The following SCN7A variants were observed in gnomAD, a reference collection of about 807,000 sequenced individuals.
SCN7A encodes sodium channel protein type 7 subunit alpha.
Under a neutral mutation model 155.2 loss-of-function variants are expected in SCN7A, and 138 were observed. The observed-to-expected ratio is 0.89, with a 90% confidence interval of 0.77 to 1.02. The LOEUF (loss-of-function observed/expected upper bound fraction) is 1.02, where lower values mean the gene tolerates loss of function less well. Among genes scored for constraint, SCN7A ranks in the 50% least tolerant of loss-of-function variants. SCN7A has a pLI of 0.00. For synonymous variants in SCN7A, 693 were observed against 649.0 expected (o/e 1.07, Z -1.03); for missense variants, 2,058 against 1,986.6 (o/e 1.04, Z -0.68).
chr2:166,451,773 A>T (rs958634387), intron 11 of SCN7A, among the ~76,000 whole-genome samples: 3 of 152,170 alleles, frequency 2.0e-5, no homozygotes, highest in African/African-American at 7.2e-5. Context: ...TCAAAGGACC[A>T]TGCCTCTCTG....
intron 20 of SCN7A, among the ~76,000 whole-genome samples, chr2:166,417,264 G>A (rs529303058): frequency 3.6e-4 from 55 of 152,212 alleles, no homozygotes; most frequent in African/African-American, 1.2e-3. Context: ...ACCAGGTCAG[G>A]AGATCAAGAC....
intron 23 of SCN7A, among the ~76,000 whole-genome samples, chr2:166,411,693 T>A (rs1189515664): frequency 6.6e-6 from 1 of 152,004 alleles, no homozygotes; most frequent in African/African-American, 2.4e-5. Context: ...AAAAGGCATC[T>A]TAACGTGAAC....
intron 25 of SCN7A, among the ~76,000 whole-genome samples, chr2:166,408,202 G>T (rs1320363582): frequency 2.0e-5 from 3 of 151,778 alleles, no homozygotes; most frequent in Admixed American, 2.0e-4. Context: ...AGAGATTTTT[G>T]ACACTTTGTG....
intron 11 of SCN7A, among the ~76,000 whole-genome samples, chr2:166,453,686 T>A (rs2105458069): frequency 6.6e-6 from 1 of 152,258 alleles, no homozygotes; most frequent in Non-Finnish European, 1.5e-5. Flanking sequence ...GAAATCCATA[T>A]TTATCTAACT....
intron 5 of SCN7A, 26 bp from the exon 6 acceptor site, chr2:166,472,471 T>C: frequency 1.3e-6 from 2 of 1,520,120 alleles, no homozygotes; most frequent in Non-Finnish European, 1.8e-6. Flanking sequence ...CATATAAATA[T>C]TATTGGTGAG....
Position 166,474,209 on chromosome 2 carries a change from T to C in SCN7A, c.353+17A>G. On this transcript the variant is annotated intron_variant, in intron 4 of 25. Coordinates refer to ENST00000643258, the MANE Select transcript of SCN7A (RefSeq NM_002976.4). The stretch of plus-strand genomic sequence containing the variant: ...GTCAGCACAGTTTAAAGTCAACAAG[T>C]CAACAGAAAAGGATATGGATGTACC... 1 of 1,214,036 alleles carries C rather than the reference T, an allele frequency of 8.2e-7. No individual in the cohort carries two copies. The highest frequency in any genetic ancestry group is 1.1e-6 in the Non-Finnish European group (1 of 877,770). 75.2% of individuals were successfully genotyped at this position (1,214,036 alleles called of 1,614,324 possible).
At chr2:166,454,720 T>C (rs1404348486) in intron 11 of SCN7A, among the ~76,000 whole-genome samples, 1 of 152,196 alleles carries the variant, frequency 6.6e-6, no homozygotes, top group African/African-American at 2.4e-5. Context: ...TTTTCCCATT[T>C]ATCAGAAAGG....
At chr2:166,460,706 A>C (rs2105473711) in intron 10 of SCN7A, among the ~76,000 whole-genome samples, 1 of 152,306 alleles carries the variant, frequency 6.6e-6, no homozygotes, top group African/African-American at 2.4e-5. Context: ...CATACATGGA[A>C]ATATGATATT....
At chr2:166,486,611 C>T (rs754213821) in intron 2 of SCN7A, among the ~76,000 whole-genome samples, 4 of 152,170 alleles carry the variant, frequency 2.6e-5, no homozygotes, top group Admixed American at 6.5e-5. Context: ...GGGGCTAATA[C>T]TGAAAATCTA....
chr2:166,472,407 A>T lies in SCN7A; in HGVS notation c.482T>A (p.Val161Glu). The change falls in exon 6 of 26, where the codon GTA becomes GAA. Residue 161 changes from valine to glutamate, a missense_variant. Coordinates refer to ENST00000643258, the MANE Select transcript of SCN7A (RefSeq NM_002976.4). ...CCAGACACCTCTTGCAAAGAGTTTT[A>T]CAAGTATTTCAAATGTGTAAATTCC... The part of the protein sequence containing the change: ...LLGIYTFEIL[V>E]KLFARGVWAG... The T allele has an allele frequency of 6.2e-7, 1 of 1,606,432 alleles. No homozygotes were observed. The highest frequency in any genetic ancestry group is 8.5e-7 in the Non-Finnish European group (1 of 1,175,164).
intron 20 of SCN7A, 80 bp downstream of exon 20, chr2:166,421,110 A>T: frequency 1.1e-6 from 1 of 899,646 alleles, no homozygotes; most frequent in Non-Finnish European, 1.7e-6. Context: ...AAACGAGAAG[A>T]AAACAAAGCT....
At chr2:166,412,422 G>A in intron 23 of SCN7A, 108 bp downstream of exon 23, 1 of 1,154,264 alleles carries the variant, frequency 8.7e-7, no homozygotes, top group Non-Finnish European at 1.1e-6. Flanking sequence ...AAATAAAAAT[G>A]ACATTAAGCT....
chr2:166,456,124 G>T (rs774231406), intron 11 of SCN7A, among the ~76,000 whole-genome samples: 2 of 152,146 alleles, frequency 1.3e-5, no homozygotes, highest in Non-Finnish European at 1.5e-5. Flanking sequence ...ACCAAACACC[G>T]CATGTTCTCA....
At chr2:166,464,683 G>A (rs901508233) in intron 9 of SCN7A, among the ~76,000 whole-genome samples, 1 of 152,058 alleles carries the variant, frequency 6.6e-6, no homozygotes, top group African/African-American at 2.4e-5. Context: ...ATGCAGCCTT[G>A]CCTCTTTGCA....
intron 10 of SCN7A, among the ~76,000 whole-genome samples, chr2:166,459,391 A>T (rs1478149900): frequency 6.6e-6 from 1 of 152,140 alleles, no homozygotes; most frequent in African/African-American, 2.4e-5. Context: ...ATACACAAAG[A>T]TCTTAGCACA....
chr2:166,462,916 A>T (rs576111965), intron 9 of SCN7A, among the ~76,000 whole-genome samples: 98 of 152,112 alleles, frequency 6.4e-4, no homozygotes, highest in Non-Finnish European at 1.2e-3. Context: ...TCACATACTT[A>T]TTTTTTTGTG....
chr2:166,414,127 TTA>T (rs565109332), intron 21 of SCN7A, among the ~76,000 whole-genome samples: 7,187 of 83,898 alleles, frequency 0.086, 534 homozygotes, highest in African/African-American at 0.17. Flanking sequence ...ATATAATATA[TTA>T]TATATATGTA....
intron 11 of SCN7A, among the ~76,000 whole-genome samples, chr2:166,454,000 A>C (rs981329212): frequency 6.6e-6 from 1 of 152,208 alleles, no homozygotes; most frequent in Admixed American, 6.5e-5. Flanking sequence ...ATAATTAAAC[A>C]TTTTAATAAA....
intron 20 of SCN7A, among the ~76,000 whole-genome samples, chr2:166,419,711 C>T (rs537930087): frequency 6.6e-6 from 1 of 152,036 alleles, no homozygotes; most frequent in African/African-American, 2.4e-5. Flanking sequence ...ATTCAACCAC[C>T]TTATTTTCAG....
Sources: allele counts gnomAD v4.1 joint callset (sites outside exome capture counted in the v4.1 genomes callset), GRCh38; gene constraint gnomAD v4.1.1; transcripts MANE v1.5; gene names NCBI Gene and HGNC (gene_info 2026-07-23, HGNC 2026-07-21).